Variants in SAMD5 observed in about 807,000 individuals in gnomAD.
SAMD5 encodes the protein sterile alpha motif domain-containing protein 5.
A neutral mutation model predicts 11.3 loss-of-function variants in SAMD5; 13 were observed. That is an observed-to-expected ratio of 1.15 (90% CI 0.75 to 1.83). The LOEUF (loss-of-function observed/expected upper bound fraction) is 1.83, where lower values mean the gene tolerates loss of function less well. SAMD5 is among the 40% of genes most tolerant of loss of function. SAMD5 has a pLI of 0.00. For synonymous variants in SAMD5, 129 were observed against 111.3 expected (o/e 1.16, Z -1.00); for missense variants, 255 against 239.1 (o/e 1.07, Z -0.44).
chr6:147,629,623 T>A (rs990944324), intron 1 of SAMD5, among the ~76,000 whole-genome samples: 1 of 152,170 alleles, frequency 6.6e-6, no homozygotes, highest in Non-Finnish European at 1.5e-5. Flanking sequence ...CTTATATTAT[T>A]TGATGGTCAG....
chr6:147,758,995 A>G, the SAMD5 span, among the ~76,000 whole-genome samples: 4 of 152,210 alleles, frequency 2.6e-5, no homozygotes, highest in Non-Finnish European at 5.9e-5. Context: ...AAACCTAAAC[A>G]AACAACAAAA....
the SAMD5 span, among the ~76,000 whole-genome samples, chr6:147,903,922 A>G: frequency 6.6e-6 from 1 of 152,066 alleles, no homozygotes; most frequent in Non-Finnish European, 1.5e-5. Flanking sequence ...AAAAAAAAAA[A>G]AAATCTTCTA....
intron 1 of SAMD5, among the ~76,000 whole-genome samples, chr6:147,624,027 G>A (rs866009702): frequency 5.3e-5 from 8 of 151,902 alleles, no homozygotes; most frequent in Admixed American, 2.0e-4. Context: ...GTGCCACCAC[G>A]CCCAGCTAAT....
chr6:147,645,605 A>G (rs745993270), intron 1 of SAMD5, among the ~76,000 whole-genome samples: 3 of 152,208 alleles, frequency 2.0e-5, no homozygotes, highest in African/African-American at 4.8e-5. Flanking sequence ...GTGTGTGAAT[A>G]CTTTTCATCT....
intron 1 of SAMD5, among the ~76,000 whole-genome samples, chr6:147,705,743 G>A (rs1216635710): frequency 1.3e-5 from 2 of 152,316 alleles, no homozygotes; most frequent in African/African-American, 2.4e-5. Flanking sequence ...TTGACATAGA[G>A]TAACCCAGCT....
At chr6:147,519,780 G>A (rs1788223643) in intron 1 of SAMD5, among the ~76,000 whole-genome samples, 1 of 152,188 alleles carries the variant, frequency 6.6e-6, no homozygotes, top group South Asian at 2.1e-4. Context: ...CACGTAAGAT[G>A]CTAATTTGAA....
intron 1 of SAMD5, among the ~76,000 whole-genome samples, chr6:147,688,835 T>C (rs17077228): frequency 0.032 from 4,917 of 152,282 alleles, 112 homozygotes; most frequent in South Asian, 0.072. Context: ...CACTTTTTGT[T>C]TGTAACAAAT....
intron 1 of SAMD5, among the ~76,000 whole-genome samples, chr6:147,549,814 A>G (rs1788740789): frequency 6.6e-6 from 1 of 152,034 alleles, no homozygotes; most frequent in Non-Finnish European, 1.5e-5. Flanking sequence ...AGCATGGAGG[A>G]TTATACTGTA....
At chr6:147,877,341 T>A in the SAMD5 span, among the ~76,000 whole-genome samples, 1 of 152,070 alleles carries the variant, frequency 6.6e-6, no homozygotes, top group African/African-American at 2.4e-5. Flanking sequence ...TAATAGATAA[T>A]CCTTGTATAT....
chr6:147,937,955 A>G, the SAMD5 span, among the ~76,000 whole-genome samples: 1 of 152,184 alleles, frequency 6.6e-6, no homozygotes, highest in East Asian at 1.9e-4. Context: ...CACTTTAACA[A>G]TTGGGAATTT....
chr6:147,942,019 G>C, the SAMD5 span, among the ~76,000 whole-genome samples: 1 of 151,974 alleles, frequency 6.6e-6, no homozygotes, highest in Non-Finnish European at 1.5e-5. Context: ...GATTACAGGC[G>C]CCTGCCACCA....
intron 1 of SAMD5, among the ~76,000 whole-genome samples, chr6:147,529,907 C>T (rs1198446153): frequency 6.6e-6 from 1 of 152,132 alleles, no homozygotes; most frequent in African/African-American, 2.4e-5. Context: ...AACTGAGATA[C>T]TTATGATCTG....
intron 1 of SAMD5, among the ~76,000 whole-genome samples, chr6:147,634,909 A>G (rs1164132261): frequency 6.9e-6 from 1 of 144,000 alleles, no homozygotes; most frequent in African/African-American, 2.5e-5. Flanking sequence ...AAAGGGAAAG[A>G]TAAAGAAGAG....
chr6:147,578,584 A>G (rs1789250978), intron 1 of SAMD5, among the ~76,000 whole-genome samples: 1 of 152,324 alleles, frequency 6.6e-6, no homozygotes, highest in East Asian at 1.9e-4. Flanking sequence ...GAAAACAATT[A>G]ATTTTCCCTT....
At chr6:147,635,343 T>C (rs556977838) in intron 1 of SAMD5, among the ~76,000 whole-genome samples, 3 of 152,340 alleles carry the variant, frequency 2.0e-5, no homozygotes, top group Admixed American at 1.3e-4. Context: ...ACATTTTACA[T>C]GAGCTATTTC....
chr6:147,772,612 G>A, the SAMD5 span, among the ~76,000 whole-genome samples: 1 of 152,054 alleles, frequency 6.6e-6, no homozygotes, highest in African/African-American at 2.4e-5. Flanking sequence ...ATCTGTTCCA[G>A]GCCTCAGTGC....
Position 147,509,383 on chromosome 6 carries a change from G to T in SAMD5, c.455G>T (p.Arg152Leu), listed in dbSNP as rs757982334. The T allele has an allele frequency of 3.2e-6, 5 of 1,540,452 alleles. No homozygotes were observed. In the South Asian group the frequency reaches 3.7e-5, roughly 11 times the overall value. ...GIHLSKPPYS[R>L]KVPMAGILEY... ...CACCTGAGCAAGCCCCCGTACTCCC[G>T]CAAGGTAAGGAGGTGCCGTCCGGGC... The change falls in exon 1 of 2, where the codon CGC becomes CTC. Residue 152 changes from arginine to leucine, a missense_variant. Transcript: ENST00000367474.
At chr6:147,803,373 G>A in the SAMD5 span, among the ~76,000 whole-genome samples, 12 of 151,920 alleles carry the variant, frequency 7.9e-5, no homozygotes, top group Admixed American at 6.6e-4. Flanking sequence ...GGCCATCGTC[G>A]TCTCTCACCT....
the SAMD5 span, among the ~76,000 whole-genome samples, chr6:147,873,837 T>C: frequency 2.0e-5 from 3 of 152,208 alleles, no homozygotes; most frequent in Non-Finnish European, 4.4e-5. Flanking sequence ...TTTCCATGCA[T>C]AGATTCTTTT....
Sources: gnomAD v4.1 joint callset for allele counts (sites outside exome capture counted in the v4.1 genomes callset) on GRCh38, gnomAD v4.1.1 for gene constraint, MANE v1.5 for transcripts, NCBI Gene and HGNC (gene_info 2026-07-23, HGNC 2026-07-21) for gene names.